Variants in DZIP1 observed in about 807,000 individuals in gnomAD.
DZIP1 encodes the protein DAZ interacting zinc finger protein 1.
DZIP1 carries 97 observed loss-of-function variants against 107.6 expected under a neutral mutation model. The observed-to-expected ratio is 0.90, with a 90% CI of 0.77 to 1.07. DZIP1 has a LOEUF of 1.07. Among genes scored for constraint, DZIP1 ranks in the 50% least tolerant of loss-of-function variants. The pLI is 0.00. For missense variants in DZIP1, 1,035 were observed against 1,063.6 expected (o/e 0.97, Z 0.37); for synonymous variants, 390 against 386.4 (o/e 1.01, Z -0.11).
chr13:95,619,814 T>C, intron 10 of DZIP1, 71 bp downstream of exon 10: 1 of 1,474,830 alleles, frequency 6.8e-7, no homozygotes, highest in South Asian at 1.2e-5. Flanking sequence ...AAATATTATG[T>C]TTATTAAAAA....
intron 10 of DZIP1, among the ~76,000 whole-genome samples, chr13:95,618,995 ATAAT>A (rs1205169497): frequency 2.0e-5 from 3 of 152,238 alleles, no homozygotes; most frequent in African/African-American, 7.2e-5. Flanking sequence ...AATCAGTGTC[ATAAT>A]TAAAGTTTGT....
chr13:95,593,197 T>G (rs2044358395), intron 16 of DZIP1, among the ~76,000 whole-genome samples: 2 of 152,160 alleles, frequency 1.3e-5, no homozygotes, highest in Admixed American at 1.3e-4. Context: ...TATACACATA[T>G]CATATACACA....
intron 9 of DZIP1, among the ~76,000 whole-genome samples, chr13:95,621,353 G>C (rs773943235): frequency 1.1e-4 from 17 of 152,220 alleles, no homozygotes; most frequent in Non-Finnish European, 2.2e-4. Flanking sequence ...CTGGTAGGAA[G>C]TCCGGAATAA....
At chr13:95,599,703 T>C (rs2044558691) in intron 14 of DZIP1, among the ~76,000 whole-genome samples, 1 of 152,192 alleles carries the variant, frequency 6.6e-6, no homozygotes, top group South Asian at 2.1e-4. Context: ...TAGTACACGG[T>C]AGCCTTTTAA....
At chr13:95,609,608 A>G (rs748656436) in intron 12 of DZIP1, 95 bp from the exon 13 acceptor site, 122 of 778,470 alleles carry the variant, frequency 1.6e-4, no homozygotes, top group Non-Finnish European at 2.0e-4. Flanking sequence ...CATAAAAAAC[A>G]TAAATGAAAT....
intron 5 of DZIP1, among the ~76,000 whole-genome samples, chr13:95,638,496 G>C (rs188384096): frequency 1.3e-5 from 2 of 152,032 alleles, no homozygotes; most frequent in African/African-American, 2.4e-5. Flanking sequence ...TTTGAAAATC[G>C]ATGAGATTTT....
intron 7 of DZIP1, among the ~76,000 whole-genome samples, chr13:95,629,464 C>T (rs141625152): frequency 9.7e-4 from 148 of 152,184 alleles, no homozygotes; most frequent in African/African-American, 3.4e-3. Context: ...GAGACTCAAC[C>T]CTCTGTTGGT....
intron 5 of DZIP1, among the ~76,000 whole-genome samples, chr13:95,634,901 T>C (rs1485652900): frequency 1.3e-5 from 2 of 152,224 alleles, no homozygotes; most frequent in Non-Finnish European, 2.9e-5. Flanking sequence ...TTGGAATAAT[T>C]ATTAATAACT....
At position 95,578,257 on chromosome 13, in the gene DZIP1, C is replaced by A; in HGVS notation, c.*3977G>T. 1 of 304,602 alleles carries A rather than the reference C, an allele frequency of 3.3e-6. No homozygotes were observed. The highest frequency in any genetic ancestry group is 6.1e-5 in the South Asian group (1 of 16,352). The allele number at this position is 304,602 out of a possible 1,614,324, so 18.9% of individuals were successfully genotyped here. On this transcript the variant is annotated 3_prime_UTR_variant, in exon 23 of 23. Coordinates refer to ENST00000376829, the MANE Select transcript of DZIP1 (RefSeq NM_198968.4). ...TACAGGATTTGTAAAATGTTTTCTA[C>A]ATTTATATAGAACATGAAAAGCATT...
At chr13:95,614,637 C>A (rs1874813430) in intron 10 of DZIP1, among the ~76,000 whole-genome samples, 1 of 152,112 alleles carries the variant, frequency 6.6e-6, no homozygotes, top group Admixed American at 6.6e-5. Flanking sequence ...TTGAAGTTTG[C>A]AGCTCATGAG....
chr13:95,625,940 T>C (rs777094812), intron 7 of DZIP1, among the ~76,000 whole-genome samples: 23 of 151,494 alleles, frequency 1.5e-4, no homozygotes, highest in Non-Finnish European at 2.9e-4. Context: ...CTGGGAAACA[T>C]TGTGAGACCT....
At chr13:95,595,494 A>G (rs1368855775) in intron 15 of DZIP1, among the ~76,000 whole-genome samples, 2 of 152,218 alleles carry the variant, frequency 1.3e-5, no homozygotes, top group Non-Finnish European at 2.9e-5. Flanking sequence ...TAAATCTTAT[A>G]TTATCAGCAA....
rs1414031824 is a variant in DZIP1, at chr13:95,581,533, T to C, written c.*701A>G. On this transcript the variant is annotated 3_prime_UTR_variant, in exon 23 of 23. Coordinates refer to ENST00000376829, the MANE Select transcript of DZIP1 (RefSeq NM_198968.4). ...GGCTCAAAGCTGAATGTGACAAATG[T>C]ACTCCAGGAAAATGTATTTAACATT... 2.0e-5 allele frequency: 3 copies of C among 152,232 alleles called. No individual in the cohort carries two copies. Among genetic ancestry groups the C allele is most frequent in the African/African-American group, 7.2e-5 (3 of 41,464 alleles). 9.4% of individuals were successfully genotyped at this position (152,232 alleles called of 1,614,324 possible).
intron 16 of DZIP1, among the ~76,000 whole-genome samples, chr13:95,592,649 A>G (rs2044342728): frequency 6.6e-6 from 1 of 152,214 alleles, no homozygotes; most frequent in Non-Finnish European, 1.5e-5. Flanking sequence ...TATTCAAGAA[A>G]AAGAAATGCC....
intron 14 of DZIP1, among the ~76,000 whole-genome samples, chr13:95,603,223 C>T (rs1253447435): frequency 7.4e-6 from 1 of 135,586 alleles, no homozygotes; most frequent in Non-Finnish European, 1.5e-5. Context: ...GGGAGGATCA[C>T]TTGAGCCCAG....
chr13:95,594,153 G>C (rs2044382570), intron 15 of DZIP1, 67 bp from the exon 16 acceptor site: 11 of 1,333,108 alleles, frequency 8.3e-6, no homozygotes, highest in Admixed American at 2.5e-5. Flanking sequence ...TCTCTAAGCA[G>C]AAAATGGCAA....
At chr13:95,605,968 G>A (rs374660870) in intron 14 of DZIP1, 35 bp downstream of exon 14, 14 of 1,605,070 alleles carry the variant, frequency 8.7e-6, no homozygotes, top group Non-Finnish European at 1.1e-5. Context: ...GGTGGCAACT[G>A]CACATAAAAC....
At chr13:95,632,704 G>A (rs1877335600) in intron 6 of DZIP1, among the ~76,000 whole-genome samples, 1 of 152,122 alleles carries the variant, frequency 6.6e-6, no homozygotes, top group African/African-American at 2.4e-5. Flanking sequence ...ACGGCTTCCT[G>A]TGATCAGGCC....
chr13:95,622,194 T>G (rs921252759), intron 9 of DZIP1, 149 bp downstream of exon 9: 14 of 931,774 alleles, frequency 1.5e-5, no homozygotes, highest in Non-Finnish European at 1.9e-5. Flanking sequence ...TCTTATGATT[T>G]AGGCATGCTG....
Sources: allele counts gnomAD v4.1 joint callset (sites outside exome capture counted in the v4.1 genomes callset), GRCh38; gene constraint gnomAD v4.1.1; transcripts MANE v1.5; gene names NCBI Gene and HGNC (gene_info 2026-07-23, HGNC 2026-07-21).